Variants in CPXM2 observed in about 807,000 individuals in gnomAD.
CPXM2 encodes inactive carboxypeptidase-like protein X2.
Under a neutral mutation model 86.1 loss-of-function variants are expected in CPXM2, and 66 were observed. That is an observed-to-expected ratio of 0.77 (90% CI 0.63 to 0.94). The LOEUF (loss-of-function observed/expected upper bound fraction) is 0.94, where lower values mean the gene tolerates loss of function less well. CPXM2 is among the 40% of genes least tolerant of loss of function. The pLI, the probability that CPXM2 is intolerant of heterozygous loss-of-function variation, is 0.00. For synonymous variants in CPXM2, 388 were observed against 400.2 expected (o/e 0.97, Z 0.36); for missense variants, 948 against 1,026.3 (o/e 0.92, Z 1.04).
intron 3 of CPXM2, among the ~76,000 whole-genome samples, 174 bp from the exon 4 acceptor site, chr10:123,842,662 G>A (rs1200924322): frequency 6.6e-6 from 1 of 152,196 alleles, no homozygotes; most frequent in Admixed American, 6.5e-5. Context: ...ATAAAAGGGA[G>A]TTGCTTAGTA....
chr10:123,770,801 T>A lies in CPXM2; in HGVS notation c.1102+115A>T, dbSNP rs962239568. On this transcript the variant is annotated intron_variant, in intron 8 of 13. Coordinates refer to ENST00000241305, the MANE Select transcript of CPXM2 (RefSeq NM_198148.3). The stretch of plus-strand genomic sequence containing the variant: ...ATCTGTCTACGTGAGACAGCAGTGG[T>A]GTGGACAGCTGATGCCCTGTGGCAT... 4 of 1,095,974 alleles carry A rather than the reference T, an allele frequency of 3.6e-6. No homozygotes were observed. The African/African-American group carries it at 6.3e-5, about 17-fold the overall frequency. 67.9% of individuals were successfully genotyped at this position (1,095,974 alleles called of 1,614,324 possible).
At chr10:123,932,164 T>G (rs1945671171) in intron 2 of CPXM2, among the ~76,000 whole-genome samples, 1 of 152,164 alleles carries the variant, frequency 6.6e-6, no homozygotes. Flanking sequence ...CTTTGTGAAG[T>G]GCAGACTTGG....
At chr10:123,857,947 T>C (rs17680163) in intron 3 of CPXM2, among the ~76,000 whole-genome samples, 3,505 of 148,218 alleles carry the variant, frequency 0.024, 68 homozygotes, top group South Asian at 0.09. Flanking sequence ...TTCATAGACT[T>C]TACACTCACC....
intron 3 of CPXM2, among the ~76,000 whole-genome samples, chr10:123,856,413 C>T (rs1052784136): frequency 2.0e-5 from 3 of 152,168 alleles, no homozygotes; most frequent in African/African-American, 7.2e-5. Context: ...CTGCTGTCCC[C>T]GAACCCCCTT....
intron 6 of CPXM2, among the ~76,000 whole-genome samples, chr10:123,794,763 G>A (rs929533032): frequency 3.3e-5 from 5 of 151,144 alleles, no homozygotes; most frequent in African/African-American, 1.2e-4. Context: ...GTGTGTGTGT[G>A]TGTGTGCGCA....
At chr10:123,787,285 A>T (rs1483488810) in intron 6 of CPXM2, among the ~76,000 whole-genome samples, 1 of 152,186 alleles carries the variant, frequency 6.6e-6, no homozygotes, top group Non-Finnish European at 1.5e-5. Flanking sequence ...GCTTGGCAGC[A>T]TCAGAACCCA....
chr10:123,900,936 C>T (rs182266775), intron 2 of CPXM2, among the ~76,000 whole-genome samples: 1 of 152,188 alleles, frequency 6.6e-6, no homozygotes, highest in East Asian at 1.9e-4. Context: ...TTTTTTATGG[C>T]ATTTCATTCT....
chr10:123,850,731 T>C (rs1001462101), intron 3 of CPXM2, among the ~76,000 whole-genome samples: 1 of 152,180 alleles, frequency 6.6e-6, no homozygotes, highest in African/African-American at 2.4e-5. Context: ...CAACTTAATT[T>C]TAAAAAGAAA....
intron 2 of CPXM2, among the ~76,000 whole-genome samples, chr10:123,934,496 C>T (rs949407309): frequency 6.6e-6 from 1 of 151,970 alleles, no homozygotes; most frequent in Non-Finnish European, 1.5e-5. Flanking sequence ...ATAGGAACAC[C>T]CATCATACTG....
intron 4 of CPXM2, among the ~76,000 whole-genome samples, chr10:123,840,407 A>T (rs929860412): frequency 6.6e-6 from 1 of 152,262 alleles, no homozygotes; most frequent in Non-Finnish European, 1.5e-5. Flanking sequence ...CAAAATGCAC[A>T]AATTATTTGA....
upstream of CPXM2, among the ~76,000 whole-genome samples, chr10:123,893,932 A>C (rs530555632): frequency 1.3e-5 from 2 of 152,374 alleles, no homozygotes; most frequent in East Asian, 3.9e-4. Context: ...AGCTTGCTCA[A>C]CAGCAGACCG....
At chr10:123,880,715 G>C (rs1050052178) in intron 1 of CPXM2, among the ~76,000 whole-genome samples, 1 of 149,954 alleles carries the variant, frequency 6.7e-6, no homozygotes, top group Non-Finnish European at 1.5e-5. Context: ...TGTAGTCCCA[G>C]CTACTTGGGA....
At chr10:123,900,577 C>T (rs111403810) in intron 2 of CPXM2, among the ~76,000 whole-genome samples, 40 of 152,284 alleles carry the variant, frequency 2.6e-4, no homozygotes, top group Admixed American at 4.6e-4. Context: ...GTGTTGATGA[C>T]GGTGTGGAGT....
At chr10:123,880,161 C>T in intron 2 of CPXM2, 50 bp downstream of exon 2, 1 of 520,960 alleles carries the variant, frequency 1.9e-6, no homozygotes, top group Non-Finnish European at 3.5e-6. Flanking sequence ...CCCACCCTCC[C>T]TGAACAGGGC....
rs1048228901 is a variant in CPXM2, at chr10:123,865,027, C to T, written c.404-2304G>A. Among the ~76,000 whole-genome samples the T allele has an allele frequency of 4.6e-5, 7 of 152,302 alleles. No homozygotes were observed. The East Asian group carries it at 1.4e-3, about 29-fold the overall frequency. Reference sequence around the variant, plus strand: ...AGTTTCCCGCCGCCAGCAGTGCTGGCAGCTGCCACATCTAACAGCCATTCT... The same window carrying T: ...AGTTTCCCGCCGCCAGCAGTGCTGGTAGCTGCCACATCTAACAGCCATTCT... On this transcript the variant is annotated intron_variant, in intron 2 of 13. Coordinates refer to ENST00000241305, the MANE Select transcript of CPXM2 (RefSeq NM_198148.3). This position sits in a 1 kb window ranked among gnomAD's most constrained non-coding sequence, Gnocchi z 4.7.
At chr10:123,798,210 A>AAGTCTTGTTGAAT in intron 5 of CPXM2, 84 bp from the exon 6 acceptor site, 1 of 1,272,026 alleles carries the variant, frequency 7.9e-7, no homozygotes, top group Non-Finnish European at 1.1e-6. Flanking sequence ...TCATTCAACA[A>AAGTCTTGTTGAAT]GACTTTATTG....
Position 123,933,399 on chromosome 10 carries a change from A to C in CPXM2, n.174+6078T>G, listed in dbSNP as rs76586018. On this transcript the variant is annotated intron_variant and non_coding_transcript_variant, in intron 2 of 19. Coordinates refer to the CPXM2 transcript ENST00000368854. ...AGGAATCAAGAAGAAAACCAAAAAA[A>C]TGATGTCACCATATTTGAACTTTAA... 4.6e-3 allele frequency among the ~76,000 whole-genome samples: 707 copies of C among 152,310 alleles called. 39 individuals are homozygous for C. In the East Asian group the frequency reaches 0.11, roughly 24 times the overall value.
In CPXM2 at chr10:123,891,519, G is replaced by C; in HGVS notation, c.141C>G (p.Tyr47Ter). The C allele has an allele frequency of 6.5e-7, 1 of 1,548,646 alleles. No individual in the cohort carries two copies. Among genetic ancestry groups the C allele is most frequent in the African/African-American group, 1.4e-5 (1 of 72,994 alleles). ...GQEIWSREPY[Y>*]ARPEPELETF... ...TCTCGAGCTCGGGCTCCGGGCGCGC[G>C]TAGTAGGGCTCCCGGCTCCAGATCT... Residue 47 changes from tyrosine to a stop codon, truncating the protein, a stop_gained, in exon 1 of 14, where the codon TAC (tyrosine) becomes TAG (stop). Transcript: ENST00000241305. LOFTEE classifies it high-confidence loss of function. The surrounding 1 kb of genome is among the most constrained non-coding windows in gnomAD (Gnocchi z 5.6).
chr10:123,863,156 A>G (rs573971767), intron 2 of CPXM2, among the ~76,000 whole-genome samples: 12 of 152,346 alleles, frequency 7.9e-5, no homozygotes, highest in South Asian at 6.2e-4. Flanking sequence ...TGCAAAATGG[A>G]TAACATGGAG....
Sources: gnomAD v4.1 joint callset for allele counts (sites outside exome capture counted in the v4.1 genomes callset) on GRCh38, gnomAD v4.1.1 for gene constraint, Gnocchi (gnomAD v3.1) non-coding constraint, MANE v1.5 for transcripts, NCBI Gene and HGNC (gene_info 2026-07-23, HGNC 2026-07-21) for gene names.